The following PLEKHG1 variants were observed in gnomAD, a reference collection of about 807,000 sequenced individuals.
The protein encoded by PLEKHG1 is pleckstrin homology domain-containing family G member 1.
A neutral mutation model predicts 100.8 loss-of-function variants in PLEKHG1; 44 were observed. The observed-to-expected ratio is 0.44, with a 90% CI of 0.34 to 0.56. PLEKHG1 has a LOEUF of 0.56. Ranked by LOEUF, PLEKHG1 falls within the 20% of genes least tolerant of loss-of-function variation. The probability of loss-of-function intolerance (pLI) is 0.01; values close to 1 mark genes in which losing one functional copy is unlikely to be tolerated. For synonymous variants in PLEKHG1, 640 were observed against 662.5 expected (o/e 0.97, Z 0.52); for missense variants, 1,545 against 1,720.9 (o/e 0.90, Z 1.81).
At chr6:150,732,640 TAA>T (rs1266288223) in intron 1 of PLEKHG1, among the ~76,000 whole-genome samples, 4 of 152,150 alleles carry the variant, frequency 2.6e-5, no homozygotes, top group Admixed American at 6.5e-5. Flanking sequence ...TGTTTTGAGA[TAA>T]AGTCTTGCTC....
intron 1 of PLEKHG1, chr6:150,633,450 AGGTGAAG>A: frequency 6.5e-6 from 1 of 152,982 alleles, no homozygotes; most frequent in East Asian, 1.9e-4. Context: ...TCCGAGTCGC[AGGTGAAG>A]CTGGTGGGAA....
At chr6:150,820,701 C>T (rs1776244283) in intron 12 of PLEKHG1, among the ~76,000 whole-genome samples, 2 of 151,956 alleles carry the variant, frequency 1.3e-5, no homozygotes, top group Admixed American at 6.6e-5. Context: ...CCTATCTCTA[C>T]TAAAAATACA....
At chr6:150,721,483 A>G (rs1421443170) in intron 1 of PLEKHG1, among the ~76,000 whole-genome samples, 1 of 152,160 alleles carries the variant, frequency 6.6e-6, no homozygotes, top group African/African-American at 2.4e-5. Flanking sequence ...CTTTCCTTAA[A>G]GTGAGGTTGA....
rs1002194343 is a variant in PLEKHG1 at position 150,767,661 on chromosome 6, G to A, written c.412-977G>A. Among the ~76,000 whole-genome samples, 12 of 152,160 alleles carry A rather than the reference G, an allele frequency of 7.9e-5. No homozygotes were observed. In the East Asian group the frequency reaches 2.3e-3, roughly 29 times the overall value. ...CCTTTCTCTAGCTGCATCTAAACAC[G>A]ACAGTGTTTGCTGTTGGACATTGGA... On this transcript the variant is annotated intron_variant, in intron 2 of 15. Coordinates refer to ENST00000358517, the Ensembl canonical transcript of PLEKHG1.
chr6:150,777,706 G>A (rs1055152072), intron 3 of PLEKHG1, among the ~76,000 whole-genome samples: 2 of 148,834 alleles, frequency 1.3e-5, no homozygotes, highest in Non-Finnish European at 3.0e-5. Flanking sequence ...TGGTGCACAT[G>A]TGCGGTTGCA....
chr6:150,670,582 C>CT (rs1779550465), intron 3 of PLEKHG1, among the ~76,000 whole-genome samples: 3 of 152,122 alleles, frequency 2.0e-5, no homozygotes, highest in Non-Finnish European at 4.4e-5. Context: ...ATAAAAAATG[C>CT]TTTTGCATTC....
chr6:150,603,079 CAA>C (rs71554469), intron 1 of PLEKHG1, among the ~76,000 whole-genome samples: 3 of 70,304 alleles, frequency 4.3e-5, no homozygotes, highest in Non-Finnish European at 2.7e-5. Context: ...GACTCCGTCT[CAA>C]AAAAAAAAAA....
At chr6:150,674,689 T>C (rs372636172) in intron 3 of PLEKHG1, among the ~76,000 whole-genome samples, 17 of 80,172 alleles carry the variant, frequency 2.1e-4, no homozygotes, top group East Asian at 1.8e-3. Context: ...CTCTCCCCCC[T>C]CTTCTCTTCT....
At chr6:150,752,783 C>T (rs577276454) in intron 2 of PLEKHG1, among the ~76,000 whole-genome samples, 1 of 152,094 alleles carries the variant, frequency 6.6e-6, no homozygotes, top group Non-Finnish European at 1.5e-5. Flanking sequence ...AATTGCCAGC[C>T]TCCGTCCAAC....
chr6:150,701,458 T>TATAA (rs1780781121), intron 3 of PLEKHG1, among the ~76,000 whole-genome samples: 2 of 87,292 alleles, frequency 2.3e-5, no homozygotes, highest in Non-Finnish European at 3.8e-5. Context: ...TATATATATA[T>TATAA]ATATATATAA....
chr6:150,727,219 C>G (rs1269202058), intron 1 of PLEKHG1, among the ~76,000 whole-genome samples: 3 of 152,222 alleles, frequency 2.0e-5, no homozygotes, highest in African/African-American at 7.2e-5. Context: ...AATTTGGAAA[C>G]CCTGATCACC....
chr6:150,749,877 G>A (rs1419607416), intron 2 of PLEKHG1, among the ~76,000 whole-genome samples: 1 of 151,962 alleles, frequency 6.6e-6, no homozygotes, highest in Admixed American at 6.6e-5. Context: ...TTCGAGAACA[G>A]CCTGGCCAAC....
intron 3 of PLEKHG1, among the ~76,000 whole-genome samples, chr6:150,661,181 A>C (rs1779175562): frequency 6.6e-6 from 1 of 152,218 alleles, no homozygotes; most frequent in South Asian, 2.1e-4. Context: ...ATGCTAGAAG[A>C]AGCCTTGGCC....
chr6:150,601,345 G>T (rs1776350640), intron 1 of PLEKHG1, among the ~76,000 whole-genome samples: 1 of 152,186 alleles, frequency 6.6e-6, no homozygotes, highest in South Asian at 2.1e-4. Flanking sequence ...ATTTTGCCCT[G>T]TGGGACCCTG....
chr6:150,827,196 A>C (rs1776657827), intron 14 of PLEKHG1, among the ~76,000 whole-genome samples: 1 of 151,388 alleles, frequency 6.6e-6, no homozygotes, highest in African/African-American at 2.4e-5. Context: ...TGCCCAGATG[A>C]TTACTTCTTA....
intron 14 of PLEKHG1, among the ~76,000 whole-genome samples, chr6:150,824,033 G>T (rs1323319313): frequency 1.3e-5 from 2 of 152,134 alleles, no homozygotes; most frequent in Non-Finnish European, 2.9e-5. Flanking sequence ...TAAGACCAAT[G>T]CCCCTGCCTC....
intron 14 of PLEKHG1, among the ~76,000 whole-genome samples, chr6:150,829,751 A>T (rs1177672925): frequency 6.6e-6 from 1 of 152,236 alleles, no homozygotes; most frequent in African/African-American, 2.4e-5. Context: ...AGAGGATTAA[A>T]TTACACTCCT....
chr6:150,707,261 C>T (rs1781061337), intron 3 of PLEKHG1, among the ~76,000 whole-genome samples: 1 of 152,062 alleles, frequency 6.6e-6, no homozygotes, highest in Admixed American at 6.5e-5. Flanking sequence ...ACCTCAGCCT[C>T]CCAAAGTGCT....
intron 1 of PLEKHG1, among the ~76,000 whole-genome samples, chr6:150,732,239 A>G (rs796284435): frequency 2.6e-5 from 4 of 152,206 alleles, no homozygotes; most frequent in East Asian, 1.9e-4. Context: ...CCATTTTCTC[A>G]TAATTGTTCT....
Sources: gnomAD v4.1 joint callset for allele counts (sites outside exome capture counted in the v4.1 genomes callset) on GRCh38, gnomAD v4.1.1 for gene constraint, MANE v1.5 for transcripts, NCBI Gene and HGNC (gene_info 2026-07-23, HGNC 2026-07-21) for gene names.